MUC17: variants seen among roughly 807,000 people sequenced by gnomAD.
MUC17 encodes the protein mucin-17.
Under a neutral mutation model 170.3 loss-of-function variants are expected in MUC17, and 190 were observed. The ratio of observed to expected loss-of-function variants is 1.12; its 90% CI spans 0.99 to 1.26. The LOEUF (loss-of-function observed/expected upper bound fraction) is 1.26. Among genes scored for constraint, MUC17 ranks in the 50% most tolerant of loss-of-function variants. The pLI, the probability that MUC17 is intolerant of heterozygous loss-of-function variation, is 0.00. For synonymous variants in MUC17, 2,325 were observed against 2,002.5 expected (o/e 1.16, Z -4.30); for missense variants, 6,415 against 5,530.0 (o/e 1.16, Z -5.08).
In MUC17 at chr7:101,048,903, G is replaced by A. The variant is rs1433319499; in HGVS notation, c.12594G>A (p.Lys4198=). The A allele has an allele frequency of 6.2e-6, 10 of 1,614,104 alleles. No homozygotes were observed. The highest frequency in any genetic ancestry group is 8.5e-6 in the Non-Finnish European group (10 of 1,180,014). ...TGACTGTGACAGTGACCAGTGTGAA[G>A]TTCACCGAAGAGCTAAAAAACCACT... ...MELTVTVTSV[K]FTEELKNHSS... Residue 4198 remains lysine (K), a synonymous_variant, in exon 5 of 13, where the codon AAG becomes AAA. Transcript: ENST00000306151.
At chr7:101,044,044 A>G (rs557303254) in intron 3 of MUC17, among the ~76,000 whole-genome samples, 7 of 152,146 alleles carry the variant, frequency 4.6e-5, no homozygotes, top group South Asian at 4.2e-4. Flanking sequence ...CCTGTGTCCA[A>G]GTGTTCTCAT....
In MUC17 at chr7:101,041,300, G is replaced by T; in HGVS notation, c.9884G>T (p.Ser3295Ile). 1 of 1,611,100 alleles carries T rather than the reference G, an allele frequency of 6.2e-7. No individual in the cohort carries two copies. Among genetic ancestry groups the T allele is most frequent in the Non-Finnish European group, 8.5e-7 (1 of 1,178,202 alleles). Reference sequence around the variant, plus strand: ...CCTGTCAGCACCACAACGGTGGCCAGTTCTGAAACGAGCACCCTTTCAACA... The same window carrying T: ...CCTGTCAGCACCACAACGGTGGCCATTTCTGAAACGAGCACCCTTTCAACA... ...SMPVSTTTVASSETSTLSTTP... is the reference protein window; with the variant it reads ...SMPVSTTTVAISETSTLSTTP... Residue 3295 changes from serine to isoleucine, a missense_variant, in exon 3 of 13, where the codon AGT becomes ATT. Coordinates refer to ENST00000306151, the MANE Select transcript of MUC17 (RefSeq NM_001040105.2).
chr7:101,041,523 A>G lies in MUC17; in HGVS notation c.10107A>G (p.Thr3369=), dbSNP rs1365264265. ...TLSTTPVDTS[T]PVTTSTEASL... The stretch of plus-strand genomic sequence containing the variant: ...CCACAACTCCTGTTGACACCAGCAC[A>G]CCTGTCACCACTTCTACTGAAGCCA... Residue 3369 remains threonine, a synonymous_variant, in exon 3 of 13, where the codon ACA becomes ACG. Transcript: ENST00000306151. 2.5e-6 allele frequency: 4 copies of G among 1,609,978 alleles called. No individual in the cohort carries two copies. The highest frequency in any genetic ancestry group is 3.4e-6 in the Non-Finnish European group (4 of 1,178,916).
chr7:101,032,594 C>G lies in MUC17; in HGVS notation c.1178C>G (p.Thr393Ser), dbSNP rs995518761. The change falls in exon 3 of 13, where the codon ACT becomes AGT. Residue 393 changes from threonine to serine, a missense_variant. Thr to Ser is a moderately conservative substitution (Grantham distance 58, BLOSUM62 1). Coordinates refer to ENST00000306151, the MANE Select transcript of MUC17 (RefSeq NM_001040105.2). Reference sequence around the variant, plus strand: ...ACCTCAACTCTTAGTGAAGGAAGCACTCCATTAACAAATATGCCTGTCAGC... The same window carrying G: ...ACCTCAACTCTTAGTGAAGGAAGCAGTCCATTAACAAATATGCCTGTCAGC... ...MLTSTLSEGS[T>S]PLTNMPVSTI... 3 of 1,614,060 alleles carry G rather than the reference C, an allele frequency of 1.9e-6. No homozygotes were observed. Among genetic ancestry groups the G allele is most frequent in the African/African-American group, 2.7e-5 (2 of 75,038 alleles).
Position 101,031,793 on chromosome 7 carries a change from C to A in MUC17, c.377C>A (p.Thr126Asn). ...RTTSESTSDS[T>N]TLFPSSTEDT... ...ACTTCAGAATCTACCAGTGACAGCA[C>A]CACACTTTTCCCCAGTTCTACTGAA... Residue 126 changes from threonine to asparagine, a missense_variant, in exon 3 of 13, where the codon ACC (threonine) becomes AAC (asparagine). Coordinates refer to ENST00000306151, the MANE Select transcript of MUC17 (RefSeq NM_001040105.2). 2 of 1,608,872 alleles carry A rather than the reference C, an allele frequency of 1.2e-6. No individual in the cohort carries two copies. Among genetic ancestry groups the A allele is most frequent in the East Asian group, 2.2e-5 (1 of 44,854 alleles).
chr7:101,038,965 T>G lies in MUC17; in HGVS notation c.7549T>G (p.Leu2517Val). The change falls in exon 3 of 13, where the codon TTA (leucine) becomes GTA (valine). Residue 2517 changes from leucine to valine, a missense_variant. Leu to Val is a conservative substitution (Grantham distance 32). Coordinates refer to ENST00000306151, the MANE Select transcript of MUC17 (RefSeq NM_001040105.2). ...ISTASEGSTL[L>V]TSIPVSTTPV... ...AACTGCTAGTGAAGGAAGTACTCTATTAACAAGTATACCTGTCAGCACCAC... is the reference window on the plus strand; with the variant it reads ...AACTGCTAGTGAAGGAAGTACTCTAGTAACAAGTATACCTGTCAGCACCAC... 1 of 1,612,896 alleles carries G rather than the reference T, an allele frequency of 6.2e-7. No homozygotes were observed. Among genetic ancestry groups the G allele is most frequent in the Non-Finnish European group, 8.5e-7 (1 of 1,179,702 alleles).
intron 1 of MUC17, among the ~76,000 whole-genome samples, chr7:101,021,820 C>A (rs1434925018): frequency 6.6e-6 from 1 of 152,192 alleles, no homozygotes; most frequent in African/African-American, 2.4e-5. Flanking sequence ...CTCACCCCTG[C>A]TGAAGTCATG....
chr7:101,056,615 T>A (rs1795050355), intron 12 of MUC17, among the ~76,000 whole-genome samples: 1 of 152,232 alleles, frequency 6.6e-6, no homozygotes, highest in South Asian at 2.1e-4. Context: ...ACATATTCCA[T>A]CTAGCTCAAC....
rs1794343050 is a variant in MUC17, at chr7:101,033,054, T to G, written c.1638T>G (p.Ser546Arg). Residue 546 changes from serine (S) to arginine (R), a missense_variant, in exon 3 of 13, where the codon AGT (serine) becomes AGG (arginine). Ser to Arg is a moderately radical substitution (Grantham distance 110). Transcript: ENST00000306151. ...CCAGCACACCTGTGACCACTTCTAG[T>G]GAAGCCAGTTCATCTTCTACAACTC... is the stretch of plus-strand genomic sequence containing the variant. The part of the protein sequence containing the change: ...VDTSTPVTTS[S>R]EASSSSTTPE... 1 of 1,613,232 alleles carries G rather than the reference T, an allele frequency of 6.2e-7. No homozygotes were observed. Among genetic ancestry groups the G allele is most frequent in the African/African-American group, 1.3e-5 (1 of 74,614 alleles).
rs1200996392 is a variant in MUC17, at chr7:101,032,001, T to C, written c.585T>C (p.Ser195=). 6 of 1,614,230 alleles carry C rather than the reference T, an allele frequency of 3.7e-6. No homozygotes were observed. Among genetic ancestry groups the C allele is most frequent in the East Asian group, 2.2e-5 (1 of 44,892 alleles). The change falls in exon 3 of 13, where the codon AGT becomes AGC. Residue 195 remains serine (S), a synonymous_variant. Coordinates refer to ENST00000306151, the MANE Select transcript of MUC17 (RefSeq NM_001040105.2). ...STPLTTSTQA[S]SSPTTPESTT... is the part of the protein sequence containing the mutation. The stretch of plus-strand genomic sequence containing the variant: ...CTCTGACCACTTCTACTCAGGCAAG[T>C]TCATCTCCTACTACTCCTGAAAGCA...
At chr7:101,052,854 G>A in intron 9 of MUC17, 132 bp from the exon 10 acceptor site, 1 of 1,031,586 alleles carries the variant, frequency 9.7e-7, no homozygotes, top group Non-Finnish European at 1.4e-6. Flanking sequence ...CCCTCGGGGT[G>A]CCTTGCTTTA....
chr7:101,020,225 AC>A lies in MUC17; in HGVS notation c.82+13del. 6.2e-7 allele frequency: 1 copy of A among 1,603,156 alleles called. No homozygotes were observed. Among genetic ancestry groups the A allele is most frequent in the South Asian group, 1.1e-5 (1 of 88,982 alleles). The stretch of plus-strand genomic sequence containing the variant: ...AAGCTGCTGCAGAACAGGGTGAGTG[AC>A]CCCCACGCCCCGCTGCCCAAGAGGC... On this transcript the variant is annotated intron_variant, in intron 1 of 12. Transcript: ENST00000306151.
intron 1 of MUC17, among the ~76,000 whole-genome samples, chr7:101,020,790 C>G (rs1487861504): frequency 6.6e-6 from 1 of 152,162 alleles, no homozygotes; most frequent in Non-Finnish European, 1.5e-5. Flanking sequence ...TCAGTCTCCC[C>G]AAAAGACAAG....
chr7:101,032,129 C>G lies in MUC17; in HGVS notation c.713C>G (p.Thr238Arg). ...VASSEAITLL[T>R]TPVEISTPVT... ...AGTTCAGAGGCTATCACCCTTTTGA[C>G]AACTCCTGTTGAAATCAGCACACCT... The change falls in exon 3 of 13, where the codon ACA (threonine) becomes AGA (arginine). Residue 238 changes from threonine to arginine, a missense_variant. Physicochemically the swap from Thr to Arg is moderately conservative, Grantham distance 71. Coordinates refer to ENST00000306151, the MANE Select transcript of MUC17 (RefSeq NM_001040105.2). 6.2e-7 allele frequency: 1 copy of G among 1,612,762 alleles called. No individual in the cohort carries two copies. The highest frequency in any genetic ancestry group is 2.2e-5 in the East Asian group (1 of 44,706).
chr7:101,056,086 G>A, intron 11 of MUC17, 108 bp from the exon 12 acceptor site: 3 of 1,500,486 alleles, frequency 2.0e-6, no homozygotes, highest in Admixed American at 1.9e-5. Context: ...CAGTTTCCTA[G>A]GGGTAGAGAA....
At chr7:101,026,609 T>A (rs1794184273) in intron 1 of MUC17, among the ~76,000 whole-genome samples, 2 of 152,318 alleles carry the variant, frequency 1.3e-5, no homozygotes, top group South Asian at 2.1e-4. Context: ...TTAAGAGATA[T>A]GACCTCGCTC....
chr7:101,035,775 A>C lies in MUC17; in HGVS notation c.4359A>C (p.Gly1453=). 1 of 1,610,214 alleles carries C rather than the reference A, an allele frequency of 6.2e-7. No individual in the cohort carries two copies. The highest frequency in any genetic ancestry group is 8.5e-7 in the Non-Finnish European group (1 of 1,177,762). The change falls in exon 3 of 13, where the codon GGA becomes GGC. Residue 1453 remains glycine (G), a synonymous_variant. Coordinates refer to ENST00000306151, the MANE Select transcript of MUC17 (RefSeq NM_001040105.2). ...ISIPTSTPSE[G]KTPLKSIPVS... is the part of the protein sequence containing the mutation. ...TACCAACCTCAACTCCTAGTGAAGGAAAGACTCCATTAAAAAGTATACCTG... is the reference window on the plus strand; with the variant it reads ...TACCAACCTCAACTCCTAGTGAAGGCAAGACTCCATTAAAAAGTATACCTG...
intron 1 of MUC17, among the ~76,000 whole-genome samples, chr7:101,022,531 G>A (rs1414386319): frequency 6.6e-6 from 1 of 152,098 alleles, no homozygotes; most frequent in Non-Finnish European, 1.5e-5. Context: ...CATCAACAAG[G>A]CTCTCCTCCC....
chr7:101,035,782 C>T lies in MUC17; in HGVS notation c.4366C>T (p.Pro1456Ser). 1 of 1,609,992 alleles carries T rather than the reference C, an allele frequency of 6.2e-7. No individual in the cohort carries two copies. Among genetic ancestry groups the T allele is most frequent in the Non-Finnish European group, 8.5e-7 (1 of 1,177,902 alleles). ...CTCAACTCCTAGTGAAGGAAAGACT[C>T]CATTAAAAAGTATACCTGTCAGCAA... Reference protein sequence around the residue: ...PTSTPSEGKTPLKSIPVSNTP... With the variant: ...PTSTPSEGKTSLKSIPVSNTP... The change falls in exon 3 of 13, where the codon CCA becomes TCA. Residue 1456 changes from proline (P) to serine (S), a missense_variant. Coordinates refer to ENST00000306151, the MANE Select transcript of MUC17 (RefSeq NM_001040105.2).
Sources: allele counts gnomAD v4.1 joint callset (sites outside exome capture counted in the v4.1 genomes callset), GRCh38; gene constraint gnomAD v4.1.1; transcripts MANE v1.5; gene names NCBI Gene and HGNC (gene_info 2026-07-23, HGNC 2026-07-21).